WDR20: variants seen among roughly 807,000 people sequenced by gnomAD.
The protein encoded by WDR20 is WD repeat-containing protein 20.
WDR20 carries 3 observed loss-of-function variants against 38.7 expected under a neutral mutation model. That is an observed-to-expected ratio of 0.08 (90% CI 0.04 to 0.20). The LOEUF (loss-of-function observed/expected upper bound fraction) is 0.20, where lower values mean the gene tolerates loss of function less well. Ranked by LOEUF, WDR20 falls within the 10% of genes least tolerant of loss-of-function variation. The probability of loss-of-function intolerance (pLI) is 1.00; values close to 1 mark genes in which losing one functional copy is unlikely to be tolerated. For synonymous variants in WDR20, 298 were observed against 285.6 expected, an observed-to-expected ratio of 1.04 and a Z score of -0.44; for missense variants, 559 against 727.7, an observed-to-expected ratio of 0.77 and a Z score of 2.67.
downstream of WDR20, chr14:102,214,521 C>T (rs2062969339): frequency 4.1e-6 from 4 of 985,454 alleles, no homozygotes; most frequent in Middle Eastern, 1.0e-3. Flanking sequence ...TTCATTTCCG[C>T]ATCTGTTACA....
intron 1 of WDR20, among the ~76,000 whole-genome samples, chr14:102,184,362 G>A (rs1193725430): frequency 6.6e-6 from 1 of 152,190 alleles, no homozygotes; most frequent in Non-Finnish European, 1.5e-5. Context: ...TCATCTTTAA[G>A]AAGCTACTCT....
chr14:102,165,861 A>G (rs557030256), intron 1 of WDR20, among the ~76,000 whole-genome samples: 1 of 151,920 alleles, frequency 6.6e-6, no homozygotes, highest in Non-Finnish European at 1.5e-5. Context: ...GCTGGTCTCC[A>G]ACTCCTGGGC....
rs768444741 is a variant in WDR20, at chr14:102,209,804, G to C, written c.1634G>C (p.Cys545Ser). 5.0e-6 allele frequency: 8 copies of C among 1,613,872 alleles called. No individual in the cohort carries two copies. Among genetic ancestry groups the C allele is most frequent in the Non-Finnish European group, 5.9e-6 (7 of 1,180,056 alleles). The change falls in exon 3 of 3, where the codon TGT becomes TCT. Residue 545 changes from cysteine to serine, a missense_variant. By Grantham distance (112) the Cys-to-Ser change is moderately radical. Coordinates refer to ENST00000342702, the MANE Select transcript of WDR20 (RefSeq NM_144574.4). The surrounding 1 kb of genome is among the most constrained non-coding windows in gnomAD (Gnocchi z 6.0). Reference sequence around the variant, plus strand: ...ACTGTACTAATATTTCTTGAAGACTGTATAGTCACTGCTTGTCAGGAGGGA... The same window carrying C: ...ACTGTACTAATATTTCTTGAAGACTCTATAGTCACTGCTTGTCAGGAGGGA... ...RLTVLIFLEDCIVTACQEGFI... is the reference protein window; with the variant it reads ...RLTVLIFLEDSIVTACQEGFI...
In WDR20 at chr14:102,195,036, C is replaced by T. The variant is rs1462674622; in HGVS notation, c.348C>T (p.Val116=). Residue 116 remains valine (V), a synonymous_variant, in exon 2 of 3, where the codon GTC becomes GTT. Transcript: ENST00000342702. Reference sequence around the variant, plus strand: ...ACCTAACAGCCACAGCAGAAAGTGTCTCTCTCCTAGTGGGCTTTTCCGCAG... The same window carrying T: ...ACCTAACAGCCACAGCAGAAAGTGTTTCTCTCCTAGTGGGCTTTTCCGCAG... ...FNHLTATAES[V]SLLVGFSAGQ... is the part of the protein sequence containing the mutation. 6.2e-7 allele frequency: 1 copy of T among 1,614,132 alleles called. No homozygotes were observed. Among genetic ancestry groups the T allele is most frequent in the African/African-American group, 1.3e-5 (1 of 74,946 alleles).
chr14:102,151,658 G>A (rs2055905511), intron 1 of WDR20, among the ~76,000 whole-genome samples: 2 of 151,808 alleles, frequency 1.3e-5, no homozygotes. Context: ...CAAAATGTTG[G>A]GATTATAGGC....
chr14:102,173,347 C>T (rs1243268156), intron 1 of WDR20, among the ~76,000 whole-genome samples: 5 of 151,616 alleles, frequency 3.3e-5, no homozygotes, highest in Admixed American at 2.6e-4. Flanking sequence ...CTCCTGAGCT[C>T]AGACAATCCA....
At chr14:102,182,894 A>G (rs1463035643) in intron 1 of WDR20, among the ~76,000 whole-genome samples, 1 of 152,100 alleles carries the variant, frequency 6.6e-6, no homozygotes, top group Non-Finnish European at 1.5e-5. Context: ...TAAAATACAT[A>G]TATATACAGG....
chr14:102,148,755 C>T (rs1185819991), intron 1 of WDR20, among the ~76,000 whole-genome samples: 1 of 151,592 alleles, frequency 6.6e-6, no homozygotes, highest in Admixed American at 6.6e-5. Flanking sequence ...GGCAGTGGCA[C>T]AATCATAGCT....
intron 2 of WDR20, among the ~76,000 whole-genome samples, chr14:102,202,598 T>C (rs1355424493): frequency 6.6e-6 from 1 of 152,038 alleles, no homozygotes; most frequent in African/African-American, 2.4e-5. Context: ...GCCAGGATGG[T>C]CTCGATCTCC....
At chr14:102,174,196 A>G (rs1027304693) in intron 1 of WDR20, among the ~76,000 whole-genome samples, 2 of 152,136 alleles carry the variant, frequency 1.3e-5, no homozygotes, top group African/African-American at 4.8e-5. Flanking sequence ...TTCTGCTGCT[A>G]TAAATATGCA....
chr14:102,186,899 G>A (rs1397091970), intron 1 of WDR20, among the ~76,000 whole-genome samples: 1 of 151,588 alleles, frequency 6.6e-6, no homozygotes, highest in African/African-American at 2.4e-5. Flanking sequence ...GCAGTGAGCC[G>A]AGATCGTGCC....
rs117900349 is a variant in WDR20 at position 102,156,711 on chromosome 14, T to C, written c.249+16539T>C. ...TATAGATTTATGCATTTAAAAACTA[T>C]TGGGGCCAGGTGCGGTGGCTCATGC... On this transcript the variant is annotated intron_variant, in intron 1 of 2. Coordinates refer to ENST00000342702, the MANE Select transcript of WDR20 (RefSeq NM_144574.4). Among the ~76,000 whole-genome samples the C allele has an allele frequency of 3.9e-4, 60 of 152,122 alleles. No individual in the cohort carries two copies. In the East Asian group the frequency reaches 7.0e-3, roughly 18 times the overall value.
intron 1 of WDR20, chr14:102,191,262 T>G (rs1210964631): frequency 6.6e-6 from 1 of 152,188 alleles, no homozygotes; most frequent in Non-Finnish European, 1.5e-5. Context: ...GTCTGGGCTC[T>G]TTCTCTCGCT....
At chr14:102,166,031 A>T (rs1339917619) in intron 1 of WDR20, among the ~76,000 whole-genome samples, 1 of 151,836 alleles carries the variant, frequency 6.6e-6, no homozygotes, top group Non-Finnish European at 1.5e-5. Flanking sequence ...TCACTTGGTC[A>T]CCCAGGCTGG....
chr14:102,185,431 A>G (rs889518125), intron 1 of WDR20, among the ~76,000 whole-genome samples: 1 of 152,116 alleles, frequency 6.6e-6, no homozygotes, highest in African/African-American at 2.4e-5. Context: ...TGGTGATAGA[A>G]TCGTAGAACT....
intron 1 of WDR20, 131 bp from the exon 2 acceptor site, chr14:102,194,807 A>G (rs2059147487): frequency 6.0e-6 from 6 of 1,004,648 alleles, no homozygotes; most frequent in Non-Finnish European, 8.7e-6. Flanking sequence ...ATGTTAAGTC[A>G]CAACTGAAAA....
At chr14:102,196,684 G>A (rs1048360058) in intron 2 of WDR20, among the ~76,000 whole-genome samples, 6 of 152,102 alleles carry the variant, frequency 3.9e-5, no homozygotes, top group Non-Finnish European at 5.9e-5. Flanking sequence ...GAGACCACAC[G>A]TCCCCAGAAT....
At chr14:102,196,558 T>C (rs1180703910) in intron 2 of WDR20, among the ~76,000 whole-genome samples, 1 of 152,098 alleles carries the variant, frequency 6.6e-6, no homozygotes, top group Non-Finnish European at 1.5e-5. Flanking sequence ...ATTGGAGCCA[T>C]GTAAGGGCTG....
At chr14:102,201,022 T>A (rs1267684385) in intron 2 of WDR20, among the ~76,000 whole-genome samples, 1 of 152,196 alleles carries the variant, frequency 6.6e-6, no homozygotes, top group Non-Finnish European at 1.5e-5. Context: ...GGTCTGCACA[T>A]TTTGTTAGTT....
Sources: gnomAD v4.1 joint callset for allele counts (sites outside exome capture counted in the v4.1 genomes callset) on GRCh38, gnomAD v4.1.1 for gene constraint, Gnocchi (gnomAD v3.1) non-coding constraint, MANE v1.5 for transcripts, NCBI Gene and HGNC (gene_info 2026-07-23, HGNC 2026-07-21) for gene names.